The following SYTL5 variants were observed in gnomAD, a reference collection of about 807,000 sequenced individuals.
The protein encoded by SYTL5 is synaptotagmin like 5.
Under a neutral mutation model 55.9 loss-of-function variants are expected in SYTL5, and 34 were observed. That is an observed-to-expected ratio of 0.61 (90% confidence interval 0.46 to 0.81). SYTL5 has a LOEUF of 0.81. Ranked by LOEUF, SYTL5 falls within the 30% of genes least tolerant of loss-of-function variation. The pLI is 0.00. For missense variants in SYTL5, 637 were observed against 546.7 expected, an observed-to-expected ratio of 1.17 and a Z score of -1.65; for synonymous variants, 221 against 188.7, an observed-to-expected ratio of 1.17 and a Z score of -1.40.
chrX:38,059,585 A>G (rs774739131), intron 3 of SYTL5, among the ~76,000 whole-genome samples: 7 of 112,099 alleles, frequency 6.2e-5, no homozygotes, highest in African/African-American at 2.3e-4. Flanking sequence ...TAACATGCCT[A>G]TTAGATAAGA....
Position 38,099,518 on chromosome X carries a change from C to A in SYTL5, c.1063-2824C>A, listed in dbSNP as rs147944285. 8.3e-3 allele frequency among the ~76,000 whole-genome samples: 925 copies of A among 111,305 alleles called. 5 individuals carry two copies. Among genetic ancestry groups the A allele is most frequent in the Middle Eastern group, 0.047 (10 of 215 alleles). On this transcript the variant is annotated intron_variant, in intron 9 of 16. Coordinates refer to ENST00000297875, the MANE Select transcript of SYTL5 (RefSeq NM_138780.3). ...GAGTGTTCTATATATAAAATCATGT[C>A]ATCTGCAAACAGACAATTTTACTTC...
intron 3 of SYTL5, among the ~76,000 whole-genome samples, chrX:38,059,543 A>T (rs1935884578): frequency 8.9e-6 from 1 of 112,082 alleles, no homozygotes; most frequent in South Asian, 3.7e-4. Context: ...TGGATCACAT[A>T]AACTCATAGG....
At chrX:37,897,843 A>C in the SYTL5 span, among the ~76,000 whole-genome samples, 3 of 111,836 alleles carry the variant, frequency 2.7e-5, no homozygotes, top group Non-Finnish European at 5.6e-5. Flanking sequence ...CACGCCTGTA[A>C]TCCTAACACT....
chrX:38,100,417 A>T (rs58922790), intron 9 of SYTL5, among the ~76,000 whole-genome samples: 11,661 of 110,950 alleles, frequency 0.11, 1,059 homozygotes, highest in African/African-American at 0.28. Flanking sequence ...TTCACTTAAA[A>T]TTACAGTTTT....
At chrX:38,087,429 G>T (rs776354640) in intron 6 of SYTL5, among the ~76,000 whole-genome samples, 1 of 111,631 alleles carries the variant, frequency 9.0e-6, no homozygotes, top group African/African-American at 3.3e-5. Flanking sequence ...AAAGAAATTA[G>T]AATTCCAAAG....
the SYTL5 span, among the ~76,000 whole-genome samples, chrX:37,964,775 T>TTA: frequency 0.013 from 1,466 of 110,725 alleles, 22 homozygotes; most frequent in African/African-American, 0.045. Context: ...CTCATTATCA[T>TTA]TATATATATA....
chrX:38,056,021 A>G (rs1204208276), intron 3 of SYTL5, among the ~76,000 whole-genome samples: 1 of 111,531 alleles, frequency 9.0e-6, no homozygotes, highest in African/African-American at 3.3e-5. Flanking sequence ...ATTATTGACT[A>G]TAGTCACCCA....
At chrX:37,956,187 G>A in the SYTL5 span, among the ~76,000 whole-genome samples, 19 of 111,933 alleles carry the variant, frequency 1.7e-4, no homozygotes, top group African/African-American at 6.1e-4. Context: ...CTAGTTGCTG[G>A]TTCTTGTCTA....
At chrX:38,003,151 C>A (rs1426321557), upstream of SYTL5, among the ~76,000 whole-genome samples, 1 of 111,688 alleles carries the variant, frequency 9.0e-6, no homozygotes, top group Non-Finnish European at 1.9e-5. Context: ...TTGTTTTTCT[C>A]AGGTTTGTCA....
chrX:38,089,843 G>A (rs560399400), intron 7 of SYTL5, among the ~76,000 whole-genome samples: 6 of 111,499 alleles, frequency 5.4e-5, no homozygotes, highest in African/African-American at 9.8e-5. Context: ...CTAATCATCC[G>A]CCACCAGGTC....
At chrX:38,034,314 G>A (rs1029943342) in intron 2 of SYTL5, among the ~76,000 whole-genome samples, 2 of 112,391 alleles carry the variant, frequency 1.8e-5, no homozygotes, top group African/African-American at 6.5e-5. Flanking sequence ...AGTATTAGTC[G>A]TGTGACTTTG....
intron 1 of SYTL5, among the ~76,000 whole-genome samples, chrX:38,014,317 A>C (rs182155626): frequency 1.9e-4 from 21 of 112,473 alleles, no homozygotes; most frequent in African/African-American, 6.8e-4. Flanking sequence ...CAATAGAGTC[A>C]GACCCCTTAG....
At chrX:38,076,868 A>T (rs183523283) in intron 6 of SYTL5, among the ~76,000 whole-genome samples, 167 bp downstream of exon 6, 179 of 111,923 alleles carry the variant, frequency 1.6e-3, no homozygotes, top group African/African-American at 5.5e-3. Flanking sequence ...GAAAGCACGT[A>T]CCCTACTTCT....
chrX:38,069,422 T>C (rs902764112), intron 3 of SYTL5, among the ~76,000 whole-genome samples: 3 of 111,920 alleles, frequency 2.7e-5, no homozygotes, highest in Non-Finnish European at 5.6e-5. Context: ...AAGTTCATTC[T>C]TGTGGACAGA....
the SYTL5 span, among the ~76,000 whole-genome samples, chrX:37,987,178 A>G: frequency 8.9e-6 from 1 of 112,136 alleles, no homozygotes; most frequent in Non-Finnish European, 1.9e-5. Context: ...TGTAAATTAC[A>G]TCCTTAAAAT....
chrX:38,102,119 T>C (rs1380345647), intron 9 of SYTL5, among the ~76,000 whole-genome samples: 2 of 110,849 alleles, frequency 1.8e-5, no homozygotes, highest in Non-Finnish European at 3.8e-5. Context: ...TAAGCACCAT[T>C]AGAAAGGAGA....
chrX:38,068,956 C>A (rs991563576), intron 3 of SYTL5, among the ~76,000 whole-genome samples: 28 of 111,487 alleles, frequency 2.5e-4, no homozygotes, highest in African/African-American at 8.5e-4. Context: ...TATTTATAGA[C>A]CCTGAAATTT....
intron 1 of SYTL5, among the ~76,000 whole-genome samples, chrX:38,006,996 A>C (rs1293432104): frequency 9.0e-6 from 1 of 111,420 alleles, no homozygotes; most frequent in Admixed American, 9.6e-5. Context: ...TTCTAGTGAC[A>C]TAAAAAAATC....
At chrX:37,909,395 G>GCAGGC in the SYTL5 span, among the ~76,000 whole-genome samples, 1 of 112,033 alleles carries the variant, frequency 8.9e-6, no homozygotes, top group Non-Finnish European at 1.9e-5. Context: ...CCTGTGGCTT[G>GCAGGC]CAGGCCACAT....
Sources: gnomAD v4.1 joint callset for allele counts (sites outside exome capture counted in the v4.1 genomes callset) on GRCh38, gnomAD v4.1.1 for gene constraint, MANE v1.5 for transcripts, NCBI Gene and HGNC (gene_info 2026-07-23, HGNC 2026-07-21) for gene names.